DAB2IP: variants seen among roughly 807,000 people sequenced by gnomAD.
DAB2IP encodes the protein disabled homolog 2-interacting protein.
In DAB2IP, 28 loss-of-function variants were observed where a neutral mutation model predicts 107.2. The observed-to-expected ratio is 0.26, with a 90% CI of 0.19 to 0.36. DAB2IP has a LOEUF of 0.36. Among genes scored for constraint, DAB2IP ranks in the 10% least tolerant of loss-of-function variants. DAB2IP has a pLI of 1.00. For missense variants in DAB2IP, 1,400 were observed against 1,644.7 expected (o/e 0.85, Z 2.57); for synonymous variants, 755 against 706.4 (o/e 1.07, Z -1.09).
intron 2 of DAB2IP, among the ~76,000 whole-genome samples, chr9:121,682,413 A>G (rs1828645589): frequency 6.6e-6 from 1 of 152,216 alleles, no homozygotes; most frequent in Non-Finnish European, 1.5e-5. Context: ...AAGGTCTACA[A>G]GGCTCAGCCT....
intron 1 of DAB2IP, among the ~76,000 whole-genome samples, chr9:121,595,429 C>CTATGTTGAGATA (rs1554846180): frequency 6.7e-6 from 1 of 150,222 alleles, no homozygotes; most frequent in Non-Finnish European, 1.5e-5. Flanking sequence ...CTTATCTCTA[C>CTATGTTGAGATA]AACAAACAAA....
chr9:121,586,204 T>A (rs1157884767), intron 1 of DAB2IP, among the ~76,000 whole-genome samples: 1 of 152,192 alleles, frequency 6.6e-6, no homozygotes, highest in East Asian at 1.9e-4. Flanking sequence ...CTAAATTAGA[T>A]CAAGGTACCT....
Position 121,728,820 on chromosome 9 carries a change from G to A in DAB2IP, c.363-28193G>A, listed in dbSNP as rs527751490. 4.6e-5 allele frequency among the ~76,000 whole-genome samples: 7 copies of A among 152,098 alleles called. No homozygotes were observed. In the East Asian group the frequency reaches 9.7e-4, roughly 21 times the overall value. On this transcript the variant is annotated intron_variant, in intron 3 of 15. Coordinates refer to ENST00000408936, the Ensembl canonical transcript of DAB2IP. ...TAATAGTGTAAATGAGATTTGGGGAGGGGGGGACAGCCAGGGGAAGGGGTT... is the reference window on the plus strand; with the variant it reads ...TAATAGTGTAAATGAGATTTGGGGAAGGGGGGACAGCCAGGGGAAGGGGTT...
chr9:121,781,587 TA>T, intron 15 of DAB2IP, 36 bp downstream of exon 15: 1 of 1,600,798 alleles, frequency 6.2e-7, no homozygotes, highest in Non-Finnish European at 8.5e-7. Context: ...CCACAAGAGT[TA>T]AAGGGCCTGG....
rs1273906461 is a variant in DAB2IP at position 121,772,005 on chromosome 9, G to A, written c.2079-602G>A. The stretch of plus-strand genomic sequence containing the variant: ...AGCGTAGAATGAGGAGGAGGCCAGG[G>A]CAAGTGCAGCCCTCCCACCAAGTCA... On this transcript the variant is annotated intron_variant, in intron 11 of 15. Coordinates refer to ENST00000408936, the Ensembl canonical transcript of DAB2IP. The surrounding 1 kb of genome is among the most constrained non-coding windows in gnomAD (Gnocchi z 4.7). Among the ~76,000 whole-genome samples the A allele has an allele frequency of 3.9e-5, 6 of 152,334 alleles. No individual in the cohort carries two copies. Among genetic ancestry groups the A allele is most frequent in the Admixed American group, 3.3e-4 (5 of 15,306 alleles).
chr9:121,618,470 C>T (rs376880775), intron 1 of DAB2IP, among the ~76,000 whole-genome samples: 96 of 152,216 alleles, frequency 6.3e-4, no homozygotes, highest in African/African-American at 2.3e-3. Context: ...AAGCGGTTCT[C>T]CTGCCTCAGC....
chr9:121,714,578 G>T (rs1227651167), intron 3 of DAB2IP, among the ~76,000 whole-genome samples: 3 of 152,190 alleles, frequency 2.0e-5, no homozygotes, highest in South Asian at 2.1e-4. Flanking sequence ...TGGGACAGGT[G>T]CTCTGACAAC....
intron 2 of DAB2IP, among the ~76,000 whole-genome samples, chr9:121,692,588 T>A (rs1004084808): frequency 5.3e-5 from 8 of 152,340 alleles, no homozygotes; most frequent in African/African-American, 1.2e-4. Context: ...TTTGTTTGAC[T>A]TAAGTAGTCT....
chr9:121,653,388 C>T lies in DAB2IP; in HGVS notation c.124+1489C>T, dbSNP rs1019851030. Among the ~76,000 whole-genome samples, 3 of 152,054 alleles carry T rather than the reference C, an allele frequency of 2.0e-5. No homozygotes were observed. The South Asian group carries it at 6.3e-4, about 32-fold the overall frequency. ...CTAAGACCTGGAGAAAGGCTTAGTA[C>T]TGTTAATTCTGTACTTACTCCCTTC... is the stretch of plus-strand genomic sequence containing the variant. On this transcript the variant is annotated intron_variant, in intron 1 of 15. Coordinates refer to ENST00000408936, the Ensembl canonical transcript of DAB2IP.
rs1053883599 is a variant in DAB2IP, at chr9:121,699,133, C to T, written c.229-192C>T. On this transcript the variant is annotated intron_variant, in intron 2 of 15. Transcript: ENST00000408936. This position sits in a 1 kb window ranked among gnomAD's most constrained non-coding sequence, Gnocchi z 6.2. ...GGGCGGGGTGGGCTGGGCCGCGCTGCGCGGGCCGGGCCGTCGGCGCTCGGT... is the reference window on the plus strand; with the variant it reads ...GGGCGGGGTGGGCTGGGCCGCGCTGTGCGGGCCGGGCCGTCGGCGCTCGGT... 1.7e-3 allele frequency among the ~76,000 whole-genome samples: 246 copies of T among 145,424 alleles called. No homozygotes were observed. Among genetic ancestry groups the T allele is most frequent in the Middle Eastern group, 0.011 (3 of 284 alleles).
chr9:121,756,859 C>G (rs1196916429), intron 3 of DAB2IP, among the ~76,000 whole-genome samples, 154 bp from the exon 4 acceptor site: 2 of 152,240 alleles, frequency 1.3e-5, no homozygotes, highest in Non-Finnish European at 2.9e-5. Context: ...TGTGACAGCC[C>G]TGCCCCCAGA....
At chr9:121,713,485 G>T (rs979317978) in intron 3 of DAB2IP, among the ~76,000 whole-genome samples, 1 of 152,176 alleles carries the variant, frequency 6.6e-6, no homozygotes, top group East Asian at 1.9e-4. Flanking sequence ...CACCATTCCC[G>T]ACTCTCACCC....
At chr9:121,744,721 C>T (rs943871025) in intron 3 of DAB2IP, among the ~76,000 whole-genome samples, 4 of 152,200 alleles carry the variant, frequency 2.6e-5, no homozygotes, top group African/African-American at 9.6e-5. Flanking sequence ...TGTCCTGTTC[C>T]ACCCTTGTGC....
intron 1 of DAB2IP, among the ~76,000 whole-genome samples, chr9:121,632,134 T>C (rs1831914106): frequency 6.6e-6 from 1 of 152,160 alleles, no homozygotes. Flanking sequence ...CCGCCTGGGT[T>C]TGAATTGTGG....
rs1275853894 is a variant in DAB2IP, at chr9:121,635,845, T to C, written c.41-42833T>C. ...GGCAGTCTGCCCAGGAGAGTCACAT[T>C]TGTGGGACCCTGCTGCAGAGGACCT... is the stretch of plus-strand genomic sequence containing the variant. On this transcript the variant is annotated intron_variant, in intron 1 of 16. Transcript: ENST00000259371. The surrounding 1 kb of genome is among the most constrained non-coding windows in gnomAD (Gnocchi z 4.3). Among the ~76,000 whole-genome samples the C allele has an allele frequency of 1.3e-5, 2 of 151,964 alleles. No homozygotes were observed. Among genetic ancestry groups the C allele is most frequent in the African/African-American group, 2.4e-5 (1 of 41,368 alleles).
At chr9:121,606,432 G>A (rs762833525) in intron 1 of DAB2IP, among the ~76,000 whole-genome samples, 1 of 152,140 alleles carries the variant, frequency 6.6e-6, no homozygotes, top group East Asian at 1.9e-4. Context: ...GGTGTGCAAG[G>A]TGCTTTCTGC....
intron 3 of DAB2IP, among the ~76,000 whole-genome samples, chr9:121,747,473 G>T (rs373670712): frequency 6.6e-6 from 1 of 151,328 alleles, no homozygotes; most frequent in Non-Finnish European, 1.5e-5. Flanking sequence ...TCAGCCTCCC[G>T]AGTAGCTGGG....
In DAB2IP at chr9:121,719,626, G is replaced by A. The variant is rs925288812; in HGVS notation, c.362+20168G>A. Among the ~76,000 whole-genome samples, 8 of 152,206 alleles carry A rather than the reference G, an allele frequency of 5.3e-5. No homozygotes were observed. The East Asian group carries it at 1.2e-3, about 22-fold the overall frequency. ...CTGGTTAGAGGCTTGGCCCAGACCCGTGTATGTGCCAGATTAGACTGGGGG... is the reference window on the plus strand; with the variant it reads ...CTGGTTAGAGGCTTGGCCCAGACCCATGTATGTGCCAGATTAGACTGGGGG... On this transcript the variant is annotated intron_variant, in intron 3 of 15. Coordinates refer to ENST00000408936, the Ensembl canonical transcript of DAB2IP.
In DAB2IP at chr9:121,634,161, C is replaced by G. The variant is rs1831993752; in HGVS notation, c.41-44517C>G. On this transcript the variant is annotated intron_variant, in intron 1 of 16. Transcript: ENST00000259371. The surrounding 1 kb of genome is among the most constrained non-coding windows in gnomAD (Gnocchi z 4.7). The stretch of plus-strand genomic sequence containing the variant: ...CCTCCAGAGACCATGCCATGACTTG[C>G]ATTGGTTTTCACATGCCAACTCCTA... Among the ~76,000 whole-genome samples, 1 of 152,144 alleles carries G rather than the reference C, an allele frequency of 6.6e-6. No homozygotes were observed. The highest frequency in any genetic ancestry group is 2.1e-4 in the South Asian group (1 of 4,832).
Sources: gnomAD v4.1 joint callset for allele counts (sites outside exome capture counted in the v4.1 genomes callset) on GRCh38, gnomAD v4.1.1 for gene constraint, Gnocchi (gnomAD v3.1) non-coding constraint, MANE v1.5 for transcripts, NCBI Gene and HGNC (gene_info 2026-07-23, HGNC 2026-07-21) for gene names.